The following DLGAP1 variants were observed in gnomAD, a reference collection of about 807,000 sequenced individuals.
DLGAP1 encodes disks large-associated protein 1.
A neutral mutation model predicts 90.8 loss-of-function variants in DLGAP1; 11 were observed. The ratio of observed to expected loss-of-function variants is 0.12; its 90% confidence interval spans 0.08 to 0.20. The LOEUF (loss-of-function observed/expected upper bound fraction) is 0.20, where lower values mean the gene tolerates loss of function less well. Ranked by LOEUF, DLGAP1 falls within the 10% of genes least tolerant of loss-of-function variation. The pLI, the probability that DLGAP1 is intolerant of heterozygous loss-of-function variation, is 1.00. For synonymous variants in DLGAP1, 558 were observed against 540.7 expected (o/e 1.03, Z -0.44); for missense variants, 1,050 against 1,333.8 (o/e 0.79, Z 3.31).
At chr18:3,857,886 C>A (rs968239660) in intron 4 of DLGAP1, among the ~76,000 whole-genome samples, 2 of 152,140 alleles carry the variant, frequency 1.3e-5, no homozygotes, top group African/African-American at 4.8e-5. Flanking sequence ...CTTCCTCATC[C>A]ACCCCACTCA....
At chr18:4,391,350 C>A (rs1050376973) in intron 1 of DLGAP1, among the ~76,000 whole-genome samples, 5 of 152,096 alleles carry the variant, frequency 3.3e-5, no homozygotes, top group African/African-American at 1.2e-4. Context: ...CTGCTTTTGC[C>A]TTTGGCCAGT....
chr18:3,713,465 C>G (rs1178238714), intron 7 of DLGAP1, among the ~76,000 whole-genome samples: 1 of 152,104 alleles, frequency 6.6e-6, no homozygotes, highest in Non-Finnish European at 1.5e-5. Flanking sequence ...AGGCTTCAGT[C>G]TAAAAGGGGA....
At chr18:3,792,432 C>T (rs1289861864) in intron 5 of DLGAP1, among the ~76,000 whole-genome samples, 1 of 151,824 alleles carries the variant, frequency 6.6e-6, no homozygotes, top group Non-Finnish European at 1.5e-5. Context: ...CAGCAGTGAG[C>T]CAAGATCATA....
At chr18:4,089,519 G>T (rs1393362673) in intron 2 of DLGAP1, among the ~76,000 whole-genome samples, 1 of 152,006 alleles carries the variant, frequency 6.6e-6, no homozygotes, top group South Asian at 2.1e-4. Context: ...AAAAAACAAA[G>T]CTGAAGCCAT....
intron 7 of DLGAP1, among the ~76,000 whole-genome samples, chr18:3,668,823 C>T (rs533938494): frequency 4.5e-4 from 69 of 152,156 alleles, no homozygotes; most frequent in African/African-American, 1.6e-3. Flanking sequence ...CATGGTGAAA[C>T]CCCGTCTCTA....
At chr18:3,791,308 T>C (rs1280670193) in intron 5 of DLGAP1, among the ~76,000 whole-genome samples, 2 of 152,358 alleles carry the variant, frequency 1.3e-5, no homozygotes, top group East Asian at 1.9e-4. Context: ...CAGTACTCAC[T>C]AGAAATCAGC....
rs749210986 is a variant in DLGAP1 at position 3,596,994 on chromosome 18, C to A, written c.1592-14746G>T. On this transcript the variant is annotated intron_variant, in intron 7 of 12. Transcript: ENST00000315677. ...CCCATTCTCCCCACTTGGCCTCCCC[C>A]ACAGGCTCTCGGCAAAGGACCGTGG... 1.5e-5 allele frequency: 8 copies of A among 520,016 alleles called. No homozygotes were observed. In the Admixed American group the frequency reaches 1.6e-4, roughly 10 times the overall value. The allele number at this position is 520,016 out of a possible 1,614,324, so 32.2% of individuals were successfully genotyped here.
chr18:4,015,312 C>G (rs927822357), intron 2 of DLGAP1, among the ~76,000 whole-genome samples: 2 of 152,000 alleles, frequency 1.3e-5, no homozygotes, highest in African/African-American at 4.8e-5. Flanking sequence ...TAGTGAAGAC[C>G]AAGAGCACTG....
chr18:4,201,460 T>C (rs182225226), intron 1 of DLGAP1, among the ~76,000 whole-genome samples: 31 of 152,318 alleles, frequency 2.0e-4, no homozygotes, highest in Non-Finnish European at 4.1e-4. Flanking sequence ...CTGGGTTCTC[T>C]ATTCTGTTCC....
intron 7 of DLGAP1, among the ~76,000 whole-genome samples, chr18:3,674,314 T>A (rs897976860): frequency 1.4e-5 from 2 of 141,820 alleles, no homozygotes; most frequent in Admixed American, 6.9e-5. Context: ...TATATATATG[T>A]ATATTTTAAA....
At chr18:3,596,502 C>T (rs937732484) in intron 7 of DLGAP1, 1 of 211,294 alleles carries the variant, frequency 4.7e-6, no homozygotes, top group African/African-American at 2.4e-5. Flanking sequence ...GCTTTCATTT[C>T]TTGTCAGATG....
chr18:3,706,500 G>A lies in DLGAP1; in HGVS notation c.1591+22635C>T, dbSNP rs576637804. On this transcript the variant is annotated intron_variant, in intron 7 of 12. Transcript: ENST00000315677. ...CAAAGAGCAAGCATCAACAGCTCCCGGGCAAAAATAAAAGGCCAAGGAGCT... is the reference window on the plus strand; with the variant it reads ...CAAAGAGCAAGCATCAACAGCTCCCAGGCAAAAATAAAAGGCCAAGGAGCT... 8.5e-5 allele frequency among the ~76,000 whole-genome samples: 13 copies of A among 152,156 alleles called. No individual in the cohort carries two copies. In the East Asian group the frequency reaches 1.7e-3, roughly 20 times the overall value.
At chr18:4,155,509 C>A (rs7227958) in intron 1 of DLGAP1, among the ~76,000 whole-genome samples, 15,863 of 152,122 alleles carry the variant, frequency 0.1, 2,231 homozygotes, top group African/African-American at 0.3. Context: ...ACTTTTCTCC[C>A]ACAGTTGCTG....
At chr18:4,044,168 G>T (rs73380567) in intron 2 of DLGAP1, among the ~76,000 whole-genome samples, 2,393 of 152,252 alleles carry the variant, frequency 0.016, 70 homozygotes, top group African/African-American at 0.055. Context: ...TTCCTTTACA[G>T]TGTTTACAGA....
chr18:3,514,578 A>G (rs1272938579), intron 10 of DLGAP1, among the ~76,000 whole-genome samples: 2 of 152,228 alleles, frequency 1.3e-5, no homozygotes, highest in East Asian at 3.9e-4. Context: ...GGCATGCCTC[A>G]GACATATTGT....
chr18:4,425,437 T>C (rs1052352669), intron 1 of DLGAP1, among the ~76,000 whole-genome samples: 1 of 152,070 alleles, frequency 6.6e-6, no homozygotes, highest in East Asian at 1.9e-4. Flanking sequence ...GGCGTAGTGG[T>C]ACAGTCATGA....
chr18:4,158,605 TCTC>T (rs1315168200), intron 1 of DLGAP1, among the ~76,000 whole-genome samples: 1 of 152,166 alleles, frequency 6.6e-6, no homozygotes, highest in Admixed American at 6.5e-5. Flanking sequence ...TGCTCTCTGT[TCTC>T]CTCAACGTCT....
intron 3 of DLGAP1, among the ~76,000 whole-genome samples, chr18:3,952,061 GAA>G (rs2072996701): frequency 6.6e-6 from 1 of 152,156 alleles, no homozygotes; most frequent in African/African-American, 2.4e-5. Flanking sequence ...AAAACGTAGA[GAA>G]ATTTCTATAA....
intron 8 of DLGAP1, chr18:3,580,530 C>G: frequency 1.3e-6 from 2 of 1,597,162 alleles, no homozygotes; most frequent in Non-Finnish European, 1.7e-6. Flanking sequence ...GCGGCGGCAG[C>G]GGAGATGGCA....
Sources: gnomAD v4.1 joint callset for allele counts (sites outside exome capture counted in the v4.1 genomes callset) on GRCh38, gnomAD v4.1.1 for gene constraint, MANE v1.5 for transcripts, NCBI Gene and HGNC (gene_info 2026-07-23, HGNC 2026-07-21) for gene names.